SNRPA: variants seen among roughly 807,000 people sequenced by gnomAD.
SNRPA encodes the protein U1 small nuclear ribonucleoprotein A.
In SNRPA, 10 loss-of-function variants were observed where a neutral mutation model predicts 24.5. That is an observed-to-expected ratio of 0.41 (90% CI 0.25 to 0.69). The LOEUF is 0.69. SNRPA is among the 30% of genes least tolerant of loss of function. The pLI is 0.33. For missense variants in SNRPA, 283 were observed against 394.7 expected, an observed-to-expected ratio of 0.72 and a Z score of 2.40; for synonymous variants, 165 against 148.4, an observed-to-expected ratio of 1.11 and a Z score of -0.81.
At chr19:40,756,773 T>C (rs1326210673) in intron 1 of SNRPA, among the ~76,000 whole-genome samples, 1 of 151,936 alleles carries the variant, frequency 6.6e-6, no homozygotes, top group Non-Finnish European at 1.5e-5. Flanking sequence ...TGGGAAGAAA[T>C]TTAGACGTCG....
rs368523279 is a variant in SNRPA, at chr19:40,751,330, T to A, written c.-79T>A. The A allele has an allele frequency of 1.8e-6, 2 of 1,110,802 alleles. No homozygotes were observed. The highest frequency in any genetic ancestry group is 2.8e-6 in the Non-Finnish European group (2 of 721,986). The allele number at this position is 1,110,802 out of a possible 1,614,324, so 68.8% of individuals were successfully genotyped here. A position where few individuals can be genotyped will look rare whatever the true frequency, so the allele number is the denominator to read the frequency against. ...GAGGAAGATCCTTGAGCAGCCGACG[T>A]TGGGACAAAGGATTTGGAGAAACCC... On this transcript the variant is annotated 5_prime_UTR_variant, in exon 1 of 6. It adds an upstream start codon to the 5' untranslated region. Coordinates refer to ENST00000243563, the MANE Select transcript of SNRPA (RefSeq NM_004596.5).
chr19:40,751,528 G>A (rs780556410), intron 1 of SNRPA, 47 bp downstream of exon 1: 2 of 1,406,046 alleles, frequency 1.4e-6, no homozygotes, highest in South Asian at 2.3e-5. Flanking sequence ...CGCACGGGCT[G>A]GCCCCTCTTC....
intron 2 of SNRPA, 111 bp downstream of exon 2, chr19:40,757,615 G>C: frequency 9.4e-7 from 1 of 1,062,564 alleles, no homozygotes; most frequent in South Asian, 1.6e-5. Flanking sequence ...GGTGAGGCTG[G>C]ACCAGGCTCC....
At position 40,759,597 on chromosome 19, in the gene SNRPA, AGG is replaced by A; in HGVS notation, c.416_417del (p.Gly139AlafsTer64). On this transcript the variant is annotated frameshift_variant, in exon 3 of 6. Transcript: ENST00000243563. LOFTEE classifies it high-confidence loss of function. ...GCCACCCCCGTGGTGGGGGCTGTCC[AGG>A]GGCCTGTCCCGGTAAGCCAGGTCCC... 6.2e-7 allele frequency: 1 copy of A among 1,608,398 alleles called. No homozygotes were observed. The highest frequency in any genetic ancestry group is 8.5e-7 in the Non-Finnish European group (1 of 1,178,386).
At chr19:40,754,126 C>T (rs533984935) in intron 1 of SNRPA, among the ~76,000 whole-genome samples, 2 of 119,866 alleles carry the variant, frequency 1.7e-5, no homozygotes, top group Non-Finnish European at 3.3e-5. Flanking sequence ...TGAGATGAGA[C>T]GGAGTGTCGC....
At chr19:40,754,511 T>C (rs1006981202) in intron 1 of SNRPA, among the ~76,000 whole-genome samples, 8 of 152,030 alleles carry the variant, frequency 5.3e-5, no homozygotes, top group Admixed American at 1.3e-4. Flanking sequence ...GACAGAGAGA[T>C]CCATTCAGCT....
At chr19:40,761,458 C>CTT (rs200242370) in intron 3 of SNRPA, among the ~76,000 whole-genome samples, 2,513 of 85,778 alleles carry the variant, frequency 0.029, 392 homozygotes, top group Non-Finnish European at 0.038. Context: ...TTTTCTTTTT[C>CTT]TTTTTTTTTT....
intron 2 of SNRPA, 124 bp downstream of exon 2, chr19:40,757,628 C>G (rs2082914032): frequency 1.7e-5 from 15 of 883,702 alleles, no homozygotes; most frequent in Non-Finnish European, 2.6e-5. Context: ...CAGGCTCCCA[C>G]TGCACCTTGC....
At chr19:40,764,067 G>T (rs1236194787) in intron 5 of SNRPA, among the ~76,000 whole-genome samples, 3 of 152,218 alleles carry the variant, frequency 2.0e-5, no homozygotes, top group Admixed American at 6.5e-5. Context: ...CAGCAAGTGT[G>T]GGAGATGGGG....
intron 1 of SNRPA, among the ~76,000 whole-genome samples, chr19:40,755,257 C>CT (rs1004235207): frequency 0.082 from 6,782 of 82,224 alleles, 79 homozygotes; most frequent in African/African-American, 0.11. Flanking sequence ...TTTTTCTTTT[C>CT]TTTTTTTTTT....
intron 1 of SNRPA, among the ~76,000 whole-genome samples, chr19:40,754,770 C>T (rs1165518306): frequency 6.6e-6 from 1 of 152,042 alleles, no homozygotes; most frequent in Admixed American, 6.6e-5. Flanking sequence ...TGTTGGGGAG[C>T]CAGACTGCTT....
At position 40,759,493 on chromosome 19, in the gene SNRPA, G is replaced by A. The variant is rs1340632683; in HGVS notation, c.309G>A (p.Glu103=). The A allele has an allele frequency of 2.5e-6, 4 of 1,613,982 alleles. No individual in the cohort carries two copies. The highest frequency in any genetic ancestry group is 2.2e-5 in the East Asian group (1 of 44,870). The change falls in exon 3 of 6, where the codon GAG becomes GAA. Residue 103 remains glutamate, a synonymous_variant. Coordinates refer to ENST00000243563, the MANE Select transcript of SNRPA (RefSeq NM_004596.5). ...IIAKMKGTFV[E]RDRKREKRKP... is the part of the protein sequence containing the mutation. ...CCAAGATGAAAGGCACCTTCGTGGAGCGGGACCGCAAGCGGGAGAAGAGGA... is the reference window on the plus strand; with the variant it reads ...CCAAGATGAAAGGCACCTTCGTGGAACGGGACCGCAAGCGGGAGAAGAGGA...
rs2082859216 is a variant in SNRPA at position 40,751,397 on chromosome 19, A to T, written c.-12A>T. The stretch of plus-strand genomic sequence containing the variant: ...TTTTCCTCCTTTAAGACTTACCTCA[A>T]CACTTCACTCCATGGCAGTTCCCGA... On this transcript the variant is annotated 5_prime_UTR_variant, in exon 1 of 6. Transcript: ENST00000243563. 2 of 1,606,832 alleles carry T rather than the reference A, an allele frequency of 1.2e-6. No individual in the cohort carries two copies. The highest frequency in any genetic ancestry group is 4.5e-5 in the East Asian group (2 of 44,824).
At position 40,751,350 on chromosome 19, in the gene SNRPA, A is replaced by C; in HGVS notation, c.-59A>C. ...CGACGTTGGGACAAAGGATTTGGAGAAACCCAGGGCTAAAGTCACGTTTTT... is the reference window on the plus strand; with the variant it reads ...CGACGTTGGGACAAAGGATTTGGAGCAACCCAGGGCTAAAGTCACGTTTTT... On this transcript the variant is annotated 5_prime_UTR_variant, in exon 1 of 6. Coordinates refer to ENST00000243563, the MANE Select transcript of SNRPA (RefSeq NM_004596.5). The C allele has an allele frequency of 7.6e-7, 1 of 1,321,634 alleles. No individual in the cohort carries two copies. The highest frequency in any genetic ancestry group is 1.1e-6 in the Non-Finnish European group (1 of 913,784). 81.9% of individuals were successfully genotyped at this position (1,321,634 alleles called of 1,614,324 possible).
Position 40,751,347 on chromosome 19 carries a change from G to C in SNRPA, c.-62G>C, listed in dbSNP as rs1021458062. 9.3e-6 allele frequency: 12 copies of C among 1,297,144 alleles called. No individual in the cohort carries two copies. The African/African-American group carries it at 1.2e-4, about 13-fold the overall frequency. 80.4% of individuals were successfully genotyped at this position (1,297,144 alleles called of 1,614,324 possible). A position where few individuals can be genotyped will look rare whatever the true frequency, so the allele number is the denominator to read the frequency against. On this transcript the variant is annotated 5_prime_UTR_variant, in exon 1 of 6. Transcript: ENST00000243563. Reference sequence around the variant, plus strand: ...AGCCGACGTTGGGACAAAGGATTTGGAGAAACCCAGGGCTAAAGTCACGTT... The same window carrying C: ...AGCCGACGTTGGGACAAAGGATTTGCAGAAACCCAGGGCTAAAGTCACGTT...
rs779487577 is a variant in SNRPA, at chr19:40,763,060, C to G, written c.586C>G (p.Pro196Ala). 6.3e-7 allele frequency: 1 copy of G among 1,575,428 alleles called. No individual in the cohort carries two copies. Among genetic ancestry groups the G allele is most frequent in the South Asian group, 1.2e-5 (1 of 85,762 alleles). ...GCAGCAGCTTATGCCAGGACAGATG[C>G]CCCCTGCCCAGCCTGTGAGTATCTA... ...PPQQLMPGQM[P>A]PAQPLSENPP... The change falls in exon 4 of 6, where the codon CCC becomes GCC. Residue 196 changes from proline to alanine, a missense_variant. This residue lies in a region of SNRPA where 167 missense variants were observed against 174.3 expected (regional missense o/e 0.96). Coordinates refer to ENST00000243563, the MANE Select transcript of SNRPA (RefSeq NM_004596.5).
At position 40,759,302 on chromosome 19, in the gene SNRPA, A is replaced by G. The variant is rs566797605; in HGVS notation, c.247-129A>G. ...TGGCCTCAAGTGATCTGCTCGCTTT[A>G]GCCTCCCAAAGGGCTGGGATTACAG... On this transcript the variant is annotated intron_variant, in intron 2 of 5. Transcript: ENST00000243563. 2.9e-5 allele frequency: 24 copies of G among 815,612 alleles called. No individual in the cohort carries two copies. The African/African-American group carries it at 3.4e-4, about 12-fold the overall frequency. The allele number at this position is 815,612 out of a possible 1,614,324, so 50.5% of individuals were successfully genotyped here. A position where few individuals can be genotyped will look rare whatever the true frequency, so the allele number is the denominator to read the frequency against.
At chr19:40,753,394 T>TTGTTTTTTTTG (rs1568483774) in intron 1 of SNRPA, among the ~76,000 whole-genome samples, 1 of 101,858 alleles carries the variant, frequency 9.8e-6, no homozygotes, top group Non-Finnish European at 2.0e-5. Flanking sequence ...GTTTTTTTTT[T>TTGTTTTTTTTG]TTTTTTTTTT....
At chr19:40,757,577 G>T in intron 2 of SNRPA, 73 bp downstream of exon 2, 1 of 1,388,396 alleles carries the variant, frequency 7.2e-7, no homozygotes, top group Non-Finnish European at 9.9e-7. Flanking sequence ...CTGGATTAGA[G>T]GAGGGGATAT....
Sources: allele counts gnomAD v4.1 joint callset (sites outside exome capture counted in the v4.1 genomes callset), GRCh38; gene constraint gnomAD v4.1.1; regional missense constraint gnomAD v4.1.1; transcripts MANE v1.5; gene names NCBI Gene and HGNC (gene_info 2026-07-23, HGNC 2026-07-21).